Variants in CBR3 observed in about 807,000 individuals in gnomAD.
CBR3 encodes carbonyl reductase 3, also known as carbonyl reductase [NADPH] 3.
A neutral mutation model predicts 11.6 loss-of-function variants in CBR3; 14 were observed. The ratio of observed to expected loss-of-function variants is 1.20; its 90% CI spans 0.79 to 1.88. The LOEUF is 1.88. Among genes scored for constraint, CBR3 ranks in the 40% most tolerant of loss-of-function variants. CBR3 has a pLI of 0.00. For missense variants in CBR3, 308 were observed against 357.3 expected (o/e 0.86, Z 1.11); for synonymous variants, 125 against 145.6 (o/e 0.86, Z 1.02).
chr21:36,138,405 CT>C, intron 2 of CBR3: 1 of 154,206 alleles, frequency 6.5e-6, no homozygotes, highest in Non-Finnish European at 1.4e-5. Flanking sequence ...CCACCTTGGC[CT>C]CCCAAAGTGT....
intron 1 of CBR3, among the ~76,000 whole-genome samples, chr21:36,136,086 G>T (rs2065657977): frequency 6.6e-6 from 1 of 152,188 alleles, no homozygotes; most frequent in Non-Finnish European, 1.5e-5. Flanking sequence ...TAAAATACGT[G>T]CGTGTGGTCT....
intron 1 of CBR3, among the ~76,000 whole-genome samples, chr21:36,135,996 C>CAG (rs913917136): frequency 6.6e-6 from 1 of 152,208 alleles, no homozygotes; most frequent in African/African-American, 2.4e-5. Context: ...TTGTGTAATG[C>CAG]AGAGCTTTGA....
intron 2 of CBR3, chr21:36,138,237 T>C (rs943395505): frequency 9.5e-6 from 2 of 210,504 alleles, no homozygotes; most frequent in Admixed American, 1.1e-4. Context: ...AACCTCCACC[T>C]CCCGGGGTCA....
chr21:36,135,517 G>T (rs1255079705), intron 1 of CBR3, 36 bp downstream of exon 1: 3 of 1,548,804 alleles, frequency 1.9e-6, no homozygotes, highest in Non-Finnish European at 1.7e-6. Context: ...CCCCTGGAGC[G>T]CTCCGAGGGT....
intron 2 of CBR3, chr21:36,141,924 C>T (rs916988060): frequency 3.7e-5 from 36 of 984,490 alleles, no homozygotes; most frequent in Admixed American, 6.2e-5. Flanking sequence ...TTCCTTGTAG[C>T]CGCCAAGTTT....
intron 2 of CBR3, among the ~76,000 whole-genome samples, chr21:36,142,305 G>A (rs1234072824): frequency 4.0e-5 from 6 of 151,826 alleles, no homozygotes; most frequent in South Asian, 2.1e-4. Context: ...GGTGGCAGGC[G>A]CCTGTAGTCC....
chr21:36,135,617 C>A, intron 1 of CBR3, 136 bp downstream of exon 1: 2 of 817,782 alleles, frequency 2.4e-6, no homozygotes, highest in African/African-American at 1.8e-5. Context: ...TCAGCCCACG[C>A]CTCCCGCGAG....
At chr21:36,139,870 G>A (rs2065694593) in intron 2 of CBR3, among the ~76,000 whole-genome samples, 1 of 143,938 alleles carries the variant, frequency 6.9e-6, no homozygotes, top group African/African-American at 2.5e-5. Flanking sequence ...AATTATCTCT[G>A]GATGCAAAAC....
At chr21:36,135,754 T>G (rs1244211651) in intron 1 of CBR3, among the ~76,000 whole-genome samples, 3 of 152,220 alleles carry the variant, frequency 2.0e-5, no homozygotes, top group African/African-American at 7.2e-5. Context: ...CAGCCGCTGT[T>G]GTGTGCAGGA....
chr21:36,145,687 C>T lies in CBR3; in HGVS notation c.398-389C>T, dbSNP rs45627441. On this transcript the variant is annotated intron_variant, in intron 2 of 2. Transcript: ENST00000290354. The stretch of plus-strand genomic sequence containing the variant: ...ATTAAACCTACACAATGGCCAGGTG[C>T]GGTGGCTCACACCTGTAATCTCAGC... Among the ~76,000 whole-genome samples, 1,251 of 151,550 alleles carry T rather than the reference C, an allele frequency of 8.3e-3. 17 individuals carry two copies. Among genetic ancestry groups the T allele is most frequent in the African/African-American group, 0.029 (1,198 of 41,346 alleles).
chr21:36,145,844 C>G (rs916113674), intron 2 of CBR3, among the ~76,000 whole-genome samples: 5 of 151,810 alleles, frequency 3.3e-5, no homozygotes, highest in Non-Finnish European at 5.9e-5. Context: ...GCCTGTAATT[C>G]CAGCTACTCA....
At chr21:36,137,508 AAGGAAGGAAGGAAGGAAGGAAGGAAGG>A (rs2065669647) in intron 1 of CBR3, 4 of 16,222 alleles carry the variant, frequency 2.5e-4, no homozygotes, top group South Asian at 1.6e-3. Context: ...GAAAGAAAGG[AAGGAAGGAAGGAAGGAAGGAAGGAAGG>A]AAGGAAGGAA....
chr21:36,141,495 T>C (rs1465860098), intron 2 of CBR3: 1 of 152,214 alleles, frequency 6.6e-6, no homozygotes, highest in African/African-American at 2.4e-5. Context: ...TTCTGCAGAA[T>C]GCATATCGCT....
chr21:36,140,816 G>C (rs2065701966), intron 2 of CBR3, among the ~76,000 whole-genome samples: 2 of 151,920 alleles, frequency 1.3e-5, no homozygotes, highest in Admixed American at 1.3e-4. Flanking sequence ...GACCATCCTG[G>C]CTAACACGGT....
Position 36,137,774 on chromosome 21 carries a change from T to C in CBR3, c.290-51T>C, listed in dbSNP as rs762056803. ...GTTAGGATCCACTTTGTCATGTGAG[T>C]TTCAGGGGGAAAAATATGACTTTCT... On this transcript the variant is annotated intron_variant, in intron 1 of 2. Coordinates refer to ENST00000290354, the MANE Select transcript of CBR3 (RefSeq NM_001236.4). 19 of 1,058,310 alleles carry C rather than the reference T, an allele frequency of 1.8e-5. No individual in the cohort carries two copies. The East Asian group carries it at 4.5e-4, about 25-fold the overall frequency. 65.6% of individuals were successfully genotyped at this position (1,058,310 alleles called of 1,614,324 possible).
At position 36,142,436 on chromosome 21, in the gene CBR3, A is replaced by AAAAAAAAACAAAAC. The variant is rs1555883303; in HGVS notation, c.398-3632_398-3631insCAAAACAAAAAAAA. Among the ~76,000 whole-genome samples, 41 of 119,692 alleles carry AAAAAAAAACAAAAC rather than the reference A, an allele frequency of 3.4e-4. 2 individuals carry two copies. Among genetic ancestry groups the AAAAAAAAACAAAAC allele is most frequent in the African/African-American group, 8.7e-4 (30 of 34,610 alleles). The allele number at this position is 119,692 out of a possible 152,430, so 78.5% of individuals were successfully genotyped here. A position where few individuals can be genotyped will look rare whatever the true frequency, so the allele number is the denominator to read the frequency against. On this transcript the variant is annotated intron_variant, in intron 2 of 2. Transcript: ENST00000290354. The stretch of plus-strand genomic sequence containing the variant: ...GACAGAGCGAGACTCCATCTCAAAA[A>AAAAAAAAACAAAAC]AAAAAAAAAAAACGCAATCCATGAT...
intron 1 of CBR3, 119 bp downstream of exon 1, chr21:36,135,600 GA>G: frequency 2.1e-6 from 2 of 953,792 alleles, no homozygotes; most frequent in East Asian, 2.9e-5. Context: ...GACCCCTAGG[GA>G]TGCGCTCAGC....
At chr21:36,143,045 G>C (rs1967455) in intron 2 of CBR3, among the ~76,000 whole-genome samples, 127,745 of 152,128 alleles carry the variant, frequency 0.84, 53,708 homozygotes, top group Non-Finnish European at 0.87. Context: ...TGGCTCATGC[G>C]TGCAACCCCA....
At chr21:36,142,613 G>C (rs1200865320) in intron 2 of CBR3, among the ~76,000 whole-genome samples, 1 of 151,930 alleles carries the variant, frequency 6.6e-6, no homozygotes, top group Non-Finnish European at 1.5e-5. Context: ...GTAATGTAGG[G>C]GAATGCCCTT....
Sources: gnomAD v4.1 joint callset for allele counts (sites outside exome capture counted in the v4.1 genomes callset) on GRCh38, gnomAD v4.1.1 for gene constraint, MANE v1.5 for transcripts, NCBI Gene and HGNC (gene_info 2026-07-23, HGNC 2026-07-21) for gene names.